Variants in GTF2H3 observed in about 807,000 individuals in gnomAD.
GTF2H3 encodes the protein TFIIH basal transcription factor complex p34 subunit.
GTF2H3 carries 42 observed loss-of-function variants against 51.1 expected under a neutral mutation model. That is an observed-to-expected ratio of 0.82 (90% CI 0.64 to 1.06). The LOEUF is 1.06. Ranked by LOEUF, GTF2H3 falls within the 50% of genes least tolerant of loss-of-function variation. GTF2H3 has a pLI of 0.00. For synonymous variants in GTF2H3, 123 were observed against 123.8 expected (o/e 0.99, Z 0.04); for missense variants, 326 against 366.1 (o/e 0.89, Z 0.89).
At chr12:123,657,215 C>G (rs941446371) in intron 9 of GTF2H3, among the ~76,000 whole-genome samples, 6 of 151,800 alleles carry the variant, frequency 4.0e-5, no homozygotes, top group Non-Finnish European at 7.4e-5. Flanking sequence ...ACTTTTGCAC[C>G]AACCTAATAT....
intron 1 of GTF2H3, among the ~76,000 whole-genome samples, chr12:123,636,724 C>T (rs995388384): frequency 4.6e-5 from 7 of 152,180 alleles, no homozygotes; most frequent in Non-Finnish European, 1.0e-4. Context: ...TCGAGACCAG[C>T]CTAACCAACG....
chr12:123,645,768 C>G (rs1242951891), intron 3 of GTF2H3, among the ~76,000 whole-genome samples: 2 of 152,180 alleles, frequency 1.3e-5, no homozygotes, highest in Non-Finnish European at 2.9e-5. Flanking sequence ...TAGAGTTACA[C>G]AATGGCCCAT....
At chr12:123,637,613 C>T (rs1266553117) in intron 1 of GTF2H3, among the ~76,000 whole-genome samples, 1 of 151,658 alleles carries the variant, frequency 6.6e-6, no homozygotes, top group East Asian at 1.9e-4. Context: ...AGTGATTCTC[C>T]TGCCTCAGCC....
Position 123,659,561 on chromosome 12 carries a change from C to T in GTF2H3, c.661C>T (p.Pro221Ser). 6.2e-7 allele frequency: 1 copy of T among 1,613,940 alleles called. No homozygotes were observed. The highest frequency in any genetic ancestry group is 8.5e-7 in the Non-Finnish European group (1 of 1,179,958). The change falls in exon 10 of 13, where the codon CCT becomes TCT. Residue 221 changes from proline (P) to serine (S), a missense_variant. Physicochemically the swap from Pro to Ser is moderately conservative, Grantham distance 74 (BLOSUM62 -1). Transcript: ENST00000543341. ...ACTGTACCTGAAGGTGCCTCAGATG[C>T]CTTCTCTTCTGCAGTATTTGCTGGT... The part of the protein sequence containing the change: ...GGLYLKVPQM[P>S]SLLQYLLWVF...
intron 4 of GTF2H3, among the ~76,000 whole-genome samples, chr12:123,648,803 T>A (rs1395090787): frequency 6.6e-6 from 1 of 152,160 alleles, no homozygotes; most frequent in African/African-American, 2.4e-5. Flanking sequence ...CTCCTTATTG[T>A]CATCTTTTTA....
At chr12:123,659,774 T>TTTTG in intron 10 of GTF2H3, 21 bp from the exon 11 acceptor site, 1 of 1,602,970 alleles carries the variant, frequency 6.2e-7, no homozygotes, top group Non-Finnish European at 8.5e-7. Flanking sequence ...TAAAAGTTTC[T>TTTTG]TTTGTTTGTT....
intron 5 of GTF2H3, among the ~76,000 whole-genome samples, chr12:123,651,654 C>A (rs1315849972): frequency 6.6e-6 from 1 of 151,748 alleles, no homozygotes; most frequent in East Asian, 2.0e-4. Context: ...CCCGTCTCTA[C>A]TAAAAATACA....
intron 9 of GTF2H3, among the ~76,000 whole-genome samples, chr12:123,657,315 C>G (rs896740007): frequency 2.0e-5 from 3 of 152,220 alleles, no homozygotes; most frequent in Non-Finnish European, 4.4e-5. Flanking sequence ...CCTGCCAGGG[C>G]CTTCCAGATG....
intron 9 of GTF2H3, 199 bp downstream of exon 9, chr12:123,656,023 C>T (rs542584509): frequency 2.1e-5 from 9 of 438,514 alleles, no homozygotes; most frequent in African/African-American, 6.1e-5. Flanking sequence ...GTTATATTTC[C>T]GTTGGGCAGC....
At chr12:123,642,862 C>G (rs1281872416) in intron 2 of GTF2H3, among the ~76,000 whole-genome samples, 1 of 152,130 alleles carries the variant, frequency 6.6e-6, no homozygotes. Context: ...ACTCATTTTT[C>G]AGCTGAAACC....
At position 123,639,550 on chromosome 12, in the gene GTF2H3, G is replaced by A. The variant is rs1299427916; in HGVS notation, c.93+207G>A. ...TAGAATATTTCTTTGACTGCGTAGC[G>A]TTCCCTCATGCCTGCTTGCAGTCAA... On this transcript the variant is annotated intron_variant, in intron 2 of 12. Transcript: ENST00000543341. 4.6e-5 allele frequency among the ~76,000 whole-genome samples: 7 copies of A among 152,102 alleles called. No homozygotes were observed. In the South Asian group the frequency reaches 6.2e-4, roughly 14 times the overall value.
chr12:123,651,021 CTT>C lies in GTF2H3; in HGVS notation c.394_395del (p.Leu132AlafsTer14), dbSNP rs1955513211. 1 of 1,613,160 alleles carries C rather than the reference CTT, an allele frequency of 6.2e-7. No individual in the cohort carries two copies. ...GACATAAAGGGTCAACATACAGAAA[CTT>C]TGCTGGCAGGATCCCTGGCCAAAGC... On this transcript the variant is annotated frameshift_variant, in exon 5 of 13. Transcript: ENST00000543341. LOFTEE classifies it high-confidence loss of function.
intron 3 of GTF2H3, among the ~76,000 whole-genome samples, chr12:123,647,185 C>T (rs756639042): frequency 6.9e-6 from 1 of 143,986 alleles, no homozygotes; most frequent in South Asian, 2.2e-4. Context: ...CACGAAGTCA[C>T]GAGGCCGGGC....
intron 4 of GTF2H3, chr12:123,649,367 T>G (rs1955491648): frequency 6.6e-6 from 1 of 152,302 alleles, no homozygotes; most frequent in African/African-American, 2.4e-5. Context: ...GTAGGATGTT[T>G]AGCAGCATTT....
Position 123,651,068 on chromosome 12 carries a change from G to C in GTF2H3, c.427+12G>C, listed in dbSNP as rs369307451. 2.5e-6 allele frequency: 4 copies of C among 1,598,724 alleles called. No individual in the cohort carries two copies. The highest frequency in any genetic ancestry group is 3.4e-6 in the Non-Finnish European group (4 of 1,166,114). ...CAAAGCCCTTTGCTGTATCCTTGGT[G>C]TCTGAATCATTTAGAAGGTGTCTTC... On this transcript the variant is annotated intron_variant, in intron 5 of 12. Transcript: ENST00000543341.
At chr12:123,658,487 G>A (rs751979816) in intron 9 of GTF2H3, among the ~76,000 whole-genome samples, 10 of 152,160 alleles carry the variant, frequency 6.6e-5, no homozygotes, top group South Asian at 2.1e-4. Context: ...GAGCCACCGC[G>A]CCCGGCCTAA....
chr12:123,655,687 A>C, intron 8 of GTF2H3, 84 bp from the exon 9 acceptor site: 2 of 794,516 alleles, frequency 2.5e-6, no homozygotes, highest in Non-Finnish European at 4.3e-6. Flanking sequence ...TTTTAAGCAT[A>C]GAGTATGGCA....
chr12:123,638,414 C>A (rs1366228514), intron 1 of GTF2H3, among the ~76,000 whole-genome samples: 1 of 151,858 alleles, frequency 6.6e-6, no homozygotes, highest in Non-Finnish European at 1.5e-5. Flanking sequence ...CAAGTGATCC[C>A]CCCTCCTTGG....
At chr12:123,652,881 C>G in intron 7 of GTF2H3, 146 bp downstream of exon 7, 1 of 656,560 alleles carries the variant, frequency 1.5e-6, no homozygotes. Context: ...AGTTCGGGAC[C>G]AGCCTGGCCA....
Sources: gnomAD v4.1 joint callset for allele counts (sites outside exome capture counted in the v4.1 genomes callset) on GRCh38, gnomAD v4.1.1 for gene constraint, MANE v1.5 for transcripts, NCBI Gene and HGNC (gene_info 2026-07-23, HGNC 2026-07-21) for gene names.